Variants in PRSS54 observed in about 807,000 individuals in gnomAD.
PRSS54 encodes inactive serine protease 54.
In PRSS54, 16 loss-of-function variants were observed where a neutral mutation model predicts 19.9. That is an observed-to-expected ratio of 0.80 (90% confidence interval 0.54 to 1.22). The LOEUF (loss-of-function observed/expected upper bound fraction) is 1.22, where lower values mean the gene tolerates loss of function less well. Among genes scored for constraint, PRSS54 ranks in the 50% most tolerant of loss-of-function variants. The pLI, the probability that PRSS54 is intolerant of heterozygous loss-of-function variation, is 0.00. For missense variants in PRSS54, 444 were observed against 494.8 expected (o/e 0.90, Z 0.97); for synonymous variants, 177 against 195.8 (o/e 0.90, Z 0.80).
chr16:58,293,661 A>G (rs754658458), intron 3 of PRSS54, 71 bp downstream of exon 3: 7 of 1,555,962 alleles, frequency 4.5e-6, no homozygotes, highest in Admixed American at 1.9e-5. Flanking sequence ...GGACCACTTC[A>G]TCTTCCCGGA....
rs140174763 is a variant in PRSS54 at position 58,290,078 on chromosome 16, C to CATATACATATATACAT, written c.263+865_263+880dup. 7.7e-3 allele frequency among the ~76,000 whole-genome samples: 1,129 copies of CATATACATATATACAT among 147,526 alleles called. 5 individuals are homozygous for CATATACATATATACAT. Among genetic ancestry groups the CATATACATATATACAT allele is most frequent in the Non-Finnish European group, 0.01 (686 of 67,068 alleles). On this transcript the variant is annotated intron_variant, in intron 4 of 6. Coordinates refer to ENST00000567164, the MANE Select transcript of PRSS54 (RefSeq NM_001305173.2). ...TATGATATTGTATACATAGATATTC[C>CATATACATATATACAT]ATATACATATATACATATATTACAA...
In PRSS54 at chr16:58,280,103, TG is replaced by T; in HGVS notation, c.*120del. On this transcript the variant is annotated 3_prime_UTR_variant, in exon 7 of 7. Transcript: ENST00000567164. ...GGGAGAGCCAGCCCAGTGTATGCCATGGGCTTATCCGTGGCAGCCCCAGTGT... is the reference window on the plus strand; with the variant it reads ...GGGAGAGCCAGCCCAGTGTATGCCATGGCTTATCCGTGGCAGCCCCAGTGT... 1.0e-6 allele frequency: 1 copy of T among 1,002,286 alleles called. No homozygotes were observed. The highest frequency in any genetic ancestry group is 1.5e-6 in the Non-Finnish European group (1 of 676,284). 62.1% of individuals were successfully genotyped at this position (1,002,286 alleles called of 1,614,324 possible).
chr16:58,285,629 G>C (rs1820240), intron 5 of PRSS54, among the ~76,000 whole-genome samples: 15,544 of 150,660 alleles, frequency 0.1, 877 homozygotes, highest in Admixed American at 0.13. Context: ...GTAGTCCCAG[G>C]TACTCGGGGC....
Position 58,291,024 on chromosome 16 carries a change from G to A in PRSS54, c.198C>T (p.His66=). 1 of 1,614,234 alleles carries A rather than the reference G, an allele frequency of 6.2e-7. No homozygotes were observed. Among genetic ancestry groups the A allele is most frequent in the South Asian group, 1.1e-5 (1 of 91,086 alleles). The part of the protein sequence containing the change: ...VVSLQDSQYT[H]LAFGCILSEF... ...CGCTCAGGATGCAGCCGAAAGCCAG[G>A]TGTGTGTACTGGGAGTCCTGCAGCG... The change falls in exon 4 of 7, where the codon CAC becomes CAT. Residue 66 remains histidine, a synonymous_variant. Transcript: ENST00000567164.
rs201169619 is a variant in PRSS54 at position 58,286,118 on chromosome 16, G to A, written c.341C>T (p.Thr114Ile). Residue 114 changes from threonine to isoleucine, a missense_variant, in exon 5 of 7, where the codon ACC becomes ATC. Thr to Ile is a moderately conservative substitution (Grantham distance 89, BLOSUM62 -1). Coordinates refer to ENST00000567164, the MANE Select transcript of PRSS54 (RefSeq NM_001305173.2). Reference sequence around the variant, plus strand: ...ATCAAAGTCCTCATGGATGATGATGGTATTGACTGGATACTCTGTGTGAGC... The same window carrying A: ...ATCAAAGTCCTCATGGATGATGATGATATTGACTGGATACTCTGTGTGAGC... ...KIAHTEYPVN[T>I]IIIHEDFDNN... The A allele has an allele frequency of 6.2e-6, 10 of 1,614,084 alleles. No homozygotes were observed. The East Asian group carries it at 2.2e-4, about 36-fold the overall frequency.
chr16:58,293,654 C>A, intron 3 of PRSS54, 78 bp downstream of exon 3: 6 of 1,550,924 alleles, frequency 3.9e-6, no homozygotes, highest in Non-Finnish European at 3.5e-6. Context: ...ACATTAAGGA[C>A]CACTTCATCT....
intron 5 of PRSS54, chr16:58,285,407 G>A (rs371065372): frequency 6.2e-6 from 1 of 161,518 alleles, no homozygotes; most frequent in Non-Finnish European, 1.4e-5. Context: ...TCCAGTTTTG[G>A]TGTAGGGCTA....
At chr16:58,291,257 T>A in intron 3 of PRSS54, 121 bp from the exon 4 acceptor site, 1 of 883,790 alleles carries the variant, frequency 1.1e-6, no homozygotes, top group Non-Finnish European at 1.7e-6. Flanking sequence ...TTCTTTTGCC[T>A]AGTGTGTCTT....
intron 6 of PRSS54, chr16:58,281,411 GCAAA>G (rs1964731753): frequency 6.6e-6 from 1 of 152,526 alleles, no homozygotes; most frequent in Non-Finnish European, 1.5e-5. Context: ...CTGGCACACA[GCAAA>G]CACTCAATAG....
At chr16:58,289,565 T>TAA (rs1290696158) in intron 4 of PRSS54, among the ~76,000 whole-genome samples, 2 of 132,596 alleles carry the variant, frequency 1.5e-5, no homozygotes, top group African/African-American at 6.1e-5. Flanking sequence ...CGTGAACATT[T>TAA]TACTACATAC....
At chr16:58,284,437 G>T in intron 6 of PRSS54, 153 bp downstream of exon 6, 1 of 741,344 alleles carries the variant, frequency 1.3e-6, no homozygotes, top group Non-Finnish European at 2.2e-6. Flanking sequence ...AGCGCATACT[G>T]TCTGCCAAGT....
Position 58,290,953 on chromosome 16 carries a change from A to G in PRSS54, c.263+6T>C, listed in dbSNP as rs1348548711. 6.2e-7 allele frequency: 1 copy of G among 1,613,996 alleles called. No homozygotes were observed. The highest frequency in any genetic ancestry group is 2.2e-5 in the East Asian group (1 of 44,876). Reference sequence around the variant, plus strand: ...TGTTGCGGGCCCCAAAGGCAGGGGCACTGGCCTGTTCTGAATGGCGGATGC... The same window carrying G: ...TGTTGCGGGCCCCAAAGGCAGGGGCGCTGGCCTGTTCTGAATGGCGGATGC... On this transcript the variant is annotated splice_donor_region_variant and intron_variant, in intron 4 of 6. Transcript: ENST00000567164.
intron 4 of PRSS54, among the ~76,000 whole-genome samples, chr16:58,288,729 A>T (rs918016332): frequency 3.9e-5 from 6 of 152,300 alleles, no homozygotes; most frequent in African/African-American, 1.4e-4. Context: ...GTAGTAAAAG[A>T]TTGGAAACAG....
intron 4 of PRSS54, among the ~76,000 whole-genome samples, chr16:58,288,131 A>G (rs1172352289): frequency 6.6e-6 from 1 of 152,146 alleles, no homozygotes; most frequent in African/African-American, 2.4e-5. Flanking sequence ...TGGACATTTT[A>G]AAACTCTGTC....
At position 58,291,044 on chromosome 16, in the gene PRSS54, G is replaced by A. The variant is rs1447347542; in HGVS notation, c.178C>T (p.Gln60Ter). The A allele has an allele frequency of 1.2e-6, 2 of 1,614,168 alleles. No individual in the cohort carries two copies. Among genetic ancestry groups the A allele is most frequent in the Non-Finnish European group, 1.7e-6 (2 of 1,180,024 alleles). ...GCCAGGTGTGTGTACTGGGAGTCCTGCAGCGACACCACCCACGGGAACTCC... is the reference window on the plus strand; with the variant it reads ...GCCAGGTGTGTGTACTGGGAGTCCTACAGCGACACCACCCACGGGAACTCC... ...SMEFPWVVSL[Q>*]DSQYTHLAFG... Residue 60 changes from glutamine to a stop codon, truncating the protein, a stop_gained, in exon 4 of 7, where the codon CAG (glutamine) becomes TAG (stop). Transcript: ENST00000567164. LOFTEE classifies it high-confidence loss of function.
At position 58,293,079 on chromosome 16, in the gene PRSS54, GTGTT is replaced by G. The variant is rs574107538; in HGVS notation, c.85+649_85+652del. Among the ~76,000 whole-genome samples, 469 of 152,130 alleles carry G rather than the reference GTGTT, an allele frequency of 3.1e-3. 2 individuals carry two copies. The Middle Eastern group carries it at 0.044, about 14-fold the overall frequency. On this transcript the variant is annotated intron_variant, in intron 3 of 6. Transcript: ENST00000567164. ...AGTGTGTGAGTGTGTGTGCATGTGT[GTGTT>G]TGAGAGTGTGTGTGTGCGTGTGTGT...
chr16:58,289,116 G>A lies in PRSS54; in HGVS notation c.263+1843C>T, dbSNP rs140952325. ...GGGGCTGTAATCTAAGAGGACTGGT[G>A]TCCCTATAAGAAGAGAAAGAGACAC... On this transcript the variant is annotated intron_variant, in intron 4 of 6. Coordinates refer to ENST00000567164, the MANE Select transcript of PRSS54 (RefSeq NM_001305173.2). Among the ~76,000 whole-genome samples, 649 of 152,310 alleles carry A rather than the reference G, an allele frequency of 4.3e-3. 4 individuals carry two copies. The highest frequency in any genetic ancestry group is 0.015 in the African/African-American group (615 of 41,562).
In PRSS54 at chr16:58,286,280, G is replaced by A. The variant is rs1036963903; in HGVS notation, c.264-85C>T. 9.2e-6 allele frequency: 13 copies of A among 1,409,672 alleles called. No homozygotes were observed. The East Asian group carries it at 3.0e-4, about 32-fold the overall frequency. 87.3% of individuals were successfully genotyped at this position (1,409,672 alleles called of 1,614,324 possible). On this transcript the variant is annotated intron_variant, in intron 4 of 6. Coordinates refer to ENST00000567164, the MANE Select transcript of PRSS54 (RefSeq NM_001305173.2). Reference sequence around the variant, plus strand: ...CTGTTTTCCCATTTAAGTTTTTTCAGCCTGGAACACTCATCCAGCTCATAT... The same window carrying A: ...CTGTTTTCCCATTTAAGTTTTTTCAACCTGGAACACTCATCCAGCTCATAT...
At chr16:58,283,719 G>C (rs910089450) in intron 6 of PRSS54, 3 of 152,166 alleles carry the variant, frequency 2.0e-5, no homozygotes, top group African/African-American at 7.2e-5. Context: ...CCACCTGGCA[G>C]AGGACCCAGT....
Sources: allele counts gnomAD v4.1 joint callset (sites outside exome capture counted in the v4.1 genomes callset), GRCh38; gene constraint gnomAD v4.1.1; transcripts MANE v1.5; gene names NCBI Gene and HGNC (gene_info 2026-07-23, HGNC 2026-07-21).